Variants in ZNF618 observed in about 807,000 individuals in gnomAD.
The protein encoded by ZNF618 is neural precursor cell expressed, developmentally down-regulated 10.
ZNF618 carries 34 observed loss-of-function variants against 103.0 expected under a neutral mutation model. The ratio of observed to expected loss-of-function variants is 0.33; its 90% CI spans 0.25 to 0.44. The LOEUF is 0.44. ZNF618 is among the 20% of genes least tolerant of loss of function. ZNF618 has a pLI of 1.00. For missense variants in ZNF618, 1,059 were observed against 1,295.4 expected, an observed-to-expected ratio of 0.82 and a Z score of 2.80; for synonymous variants, 551 against 542.2, an observed-to-expected ratio of 1.02 and a Z score of -0.23.
At chr9:114,038,473 G>T (rs1844828616) in intron 13 of ZNF618, among the ~76,000 whole-genome samples, 1 of 152,342 alleles carries the variant, frequency 6.6e-6, no homozygotes, top group East Asian at 1.9e-4. Context: ...ACTGAATCGG[G>T]ATTAAAGGCT....
At chr9:113,922,831 T>G (rs1439214175) in intron 1 of ZNF618, among the ~76,000 whole-genome samples, 1 of 152,224 alleles carries the variant, frequency 6.6e-6, no homozygotes, top group Non-Finnish European at 1.5e-5. Flanking sequence ...TTTGTTGATA[T>G]GCACAGAACA....
intron 1 of ZNF618, among the ~76,000 whole-genome samples, chr9:113,912,560 G>A (rs1429568346): frequency 6.6e-6 from 1 of 152,154 alleles, no homozygotes; most frequent in Non-Finnish European, 1.5e-5. Flanking sequence ...GGAGTAAGTC[G>A]GGACTGCCTA....
chr9:114,002,371 C>A (rs572898898), intron 5 of ZNF618, among the ~76,000 whole-genome samples: 96 of 152,348 alleles, frequency 6.3e-4, no homozygotes, highest in African/African-American at 2.3e-3. Flanking sequence ...TGCTCAGTGT[C>A]AGTGGCCCCC....
chr9:113,992,794 C>T (rs886902677), intron 3 of ZNF618, among the ~76,000 whole-genome samples: 4 of 152,186 alleles, frequency 2.6e-5, no homozygotes, highest in African/African-American at 9.7e-5. Flanking sequence ...GGGTCATGGA[C>T]ACACAGATGG....
intron 3 of ZNF618, among the ~76,000 whole-genome samples, chr9:113,997,485 C>T (rs575072992): frequency 7.2e-5 from 11 of 152,310 alleles, no homozygotes; most frequent in African/African-American, 1.9e-4. Context: ...TGGTGCTATT[C>T]GTTGCCCCTC....
chr9:113,940,084 A>T (rs1834411927), intron 1 of ZNF618, among the ~76,000 whole-genome samples: 1 of 151,194 alleles, frequency 6.6e-6, no homozygotes, highest in Admixed American at 6.6e-5. Context: ...TAGTGCTCTC[A>T]TTGTTCATTT....
intron 1 of ZNF618, among the ~76,000 whole-genome samples, chr9:113,920,067 C>T (rs893148977): frequency 6.6e-6 from 1 of 152,190 alleles, no homozygotes; most frequent in African/African-American, 2.4e-5. Flanking sequence ...GTCAGGGCCT[C>T]TATAGCTCCT....
intron 2 of ZNF618, among the ~76,000 whole-genome samples, chr9:113,976,666 A>G (rs182247913): frequency 6.6e-6 from 1 of 152,100 alleles, no homozygotes; most frequent in Non-Finnish European, 1.5e-5. Flanking sequence ...TCACTGCTGC[A>G]TGGAGGGTGA....
intron 9 of ZNF618, among the ~76,000 whole-genome samples, chr9:114,013,990 G>T (rs1414417902): frequency 6.6e-6 from 1 of 152,086 alleles, no homozygotes; most frequent in Non-Finnish European, 1.5e-5. Flanking sequence ...TTTCTCCATG[G>T]TGATAGACAG....
At chr9:113,986,114 C>T (rs1265705787) in intron 2 of ZNF618, among the ~76,000 whole-genome samples, 2 of 152,194 alleles carry the variant, frequency 1.3e-5, no homozygotes, top group African/African-American at 4.8e-5. Context: ...TAACAATGGT[C>T]GTGGTGACCA....
chr9:113,913,527 G>A (rs1285981462), intron 1 of ZNF618, among the ~76,000 whole-genome samples: 1 of 152,262 alleles, frequency 6.6e-6, no homozygotes, highest in Non-Finnish European at 1.5e-5. Flanking sequence ...GAAAGCAGTT[G>A]CTGGCTGACC....
intron 13 of ZNF618, among the ~76,000 whole-genome samples, chr9:114,043,559 A>G (rs1314481479): frequency 1.3e-5 from 2 of 152,242 alleles, no homozygotes; most frequent in African/African-American, 2.4e-5. Context: ...AAAGAAAGAT[A>G]TACCTAGTAA....
intron 10 of ZNF618, chr9:114,028,315 C>T (rs187013561): frequency 1.5e-4 from 27 of 185,270 alleles, no homozygotes; most frequent in South Asian, 6.2e-4. Context: ...CTGCCTCACC[C>T]CCAGCCCCGG....
chr9:113,878,722 G>A (rs1341224652), intron 1 of ZNF618, among the ~76,000 whole-genome samples: 2 of 152,174 alleles, frequency 1.3e-5, no homozygotes, highest in Non-Finnish European at 2.9e-5. Flanking sequence ...GAAATTGATG[G>A]TGGGTCACCT....
chr9:114,028,864 G>A lies in ZNF618; in HGVS notation c.976G>A (p.Ala326Thr). The change falls in exon 11 of 15, where the codon GCC (alanine) becomes ACC (threonine). Residue 326 changes from alanine (A) to threonine (T), a missense_variant. Physicochemically the swap from Ala to Thr is moderately conservative, Grantham distance 58. Coordinates refer to ENST00000374126, the MANE Select transcript of ZNF618 (RefSeq NM_001318042.2). The stretch of plus-strand genomic sequence containing the variant: ...GAACCAGTCGGGGAAAAAAGCTCCG[G>A]CCTCCGTGGTCCGATGTGCCACCCT... ...QTNQSGKKAP[A>T]SVVRCATLLH... 1.3e-6 allele frequency: 2 copies of A among 1,550,540 alleles called. No homozygotes were observed. The highest frequency in any genetic ancestry group is 1.7e-6 in the Non-Finnish European group (2 of 1,146,920).
chr9:113,878,609 G>A (rs1044213886), intron 1 of ZNF618, among the ~76,000 whole-genome samples: 1 of 152,176 alleles, frequency 6.6e-6, no homozygotes, highest in African/African-American at 2.4e-5. Context: ...AATTGAACTT[G>A]CTGGGGATTT....
intron 1 of ZNF618, among the ~76,000 whole-genome samples, chr9:113,924,998 T>C (rs1230397026): frequency 6.6e-6 from 1 of 151,920 alleles, no homozygotes; most frequent in Non-Finnish European, 1.5e-5. Context: ...TGTATTGTGG[T>C]GTTGTTGGAT....
At chr9:113,938,300 A>G (rs970910544) in intron 1 of ZNF618, among the ~76,000 whole-genome samples, 1 of 150,622 alleles carries the variant, frequency 6.6e-6, no homozygotes, top group African/African-American at 2.4e-5. Flanking sequence ...CAGCCTCCCA[A>G]GTAGCTGGGG....
Position 114,053,104 on chromosome 9 carries a change from T to C in ZNF618, c.*2937T>C, listed in dbSNP as rs1846231812. 1 of 152,604 alleles carries C rather than the reference T, an allele frequency of 6.6e-6. No individual in the cohort carries two copies. Among genetic ancestry groups the C allele is most frequent in the African/African-American group, 2.4e-5 (1 of 41,456 alleles). The allele number at this position is 152,604 out of a possible 1,614,324, so 9.5% of individuals were successfully genotyped here. On this transcript the variant is annotated 3_prime_UTR_variant, in exon 15 of 15. Coordinates refer to ENST00000374126, the MANE Select transcript of ZNF618 (RefSeq NM_001318042.2). ...CTGGTGTCACCAACAGGAAAGGCTGTACCAAGGTGCCCTCTTCTCAGACAG... is the reference window on the plus strand; with the variant it reads ...CTGGTGTCACCAACAGGAAAGGCTGCACCAAGGTGCCCTCTTCTCAGACAG...
Sources: allele counts gnomAD v4.1 joint callset (sites outside exome capture counted in the v4.1 genomes callset), GRCh38; gene constraint gnomAD v4.1.1; transcripts MANE v1.5; gene names NCBI Gene and HGNC (gene_info 2026-07-23, HGNC 2026-07-21).